The following SRD5A2 variants were observed in gnomAD, a reference collection of about 807,000 sequenced individuals.
The protein encoded by SRD5A2 is 3-oxo-5-alpha-steroid 4-dehydrogenase 2.
In SRD5A2, 30 loss-of-function variants were observed where a neutral mutation model predicts 27.4. The ratio of observed to expected loss-of-function variants is 1.10; its 90% CI spans 0.82 to 1.49. The LOEUF (loss-of-function observed/expected upper bound fraction) is 1.49. Ranked by LOEUF, SRD5A2 falls within the 40% of genes most tolerant of loss-of-function variation. The pLI is 0.00. For synonymous variants in SRD5A2, 141 were observed against 133.6 expected (o/e 1.06, Z -0.38); for missense variants, 348 against 323.4 (o/e 1.08, Z -0.58).
At chr2:31,598,807 A>G in the SRD5A2 span, among the ~76,000 whole-genome samples, 1 of 151,998 alleles carries the variant, frequency 6.6e-6, no homozygotes, top group Admixed American at 6.6e-5. Context: ...TGGCAGATGT[A>G]AGTCCTTACT....
intron 1 of SRD5A2, among the ~76,000 whole-genome samples, chr2:31,563,654 C>T (rs765922507): frequency 5.3e-5 from 8 of 152,098 alleles, no homozygotes; most frequent in South Asian, 2.1e-4. Flanking sequence ...CAGAGACACA[C>T]GGAGACCTGC....
the SRD5A2 span, among the ~76,000 whole-genome samples, chr2:31,655,243 G>A: frequency 2.6e-5 from 4 of 151,864 alleles, no homozygotes; most frequent in Non-Finnish European, 4.4e-5. Context: ...CTGAGATTAC[G>A]GGTGCCCACC....
At position 31,569,061 on chromosome 2, in the gene SRD5A2, G is replaced by C. The variant is rs1354032013; in HGVS notation, c.281+11559C>G. On this transcript the variant is annotated intron_variant, in intron 1 of 4. Transcript: ENST00000622030. ...AGGGAAGCCCGGGTCCAGAGCCATG[G>C]CTGGGTGGCTGCAGCTGCGCCAAGG... Among the ~76,000 whole-genome samples the C allele has an allele frequency of 2.6e-5, 4 of 152,192 alleles. No homozygotes were observed. The East Asian group carries it at 7.7e-4, about 29-fold the overall frequency.
At chr2:31,532,534 C>T (rs757771921) in intron 2 of SRD5A2, among the ~76,000 whole-genome samples, 1 of 152,102 alleles carries the variant, frequency 6.6e-6, no homozygotes, top group Non-Finnish European at 1.5e-5. Context: ...GTGAGGACAG[C>T]CAGGATCAGG....
chr2:31,641,325 G>A, the SRD5A2 span, among the ~76,000 whole-genome samples: 5 of 152,168 alleles, frequency 3.3e-5, no homozygotes, highest in Non-Finnish European at 7.4e-5. Flanking sequence ...AAAGCAAGTT[G>A]ATGGAGTGAC....
the SRD5A2 span, among the ~76,000 whole-genome samples, chr2:31,660,255 TC>T: frequency 6.6e-6 from 1 of 152,064 alleles, no homozygotes; most frequent in Non-Finnish European, 1.5e-5. Context: ...TGACAATATA[TC>T]CTGCAGGCAA....
chr2:31,593,219 C>A, the SRD5A2 span, among the ~76,000 whole-genome samples: 21 of 151,768 alleles, frequency 1.4e-4, no homozygotes, highest in Non-Finnish European at 2.4e-4. Flanking sequence ...ATGTAACTAA[C>A]CTGCACATTG....
the SRD5A2 span, among the ~76,000 whole-genome samples, chr2:31,607,130 A>C: frequency 1.3e-4 from 20 of 152,042 alleles, no homozygotes; most frequent in South Asian, 8.3e-4. Flanking sequence ...AAAAGTTGGA[A>C]AAAAACATAG....
At chr2:31,550,136 A>T (rs918707652) in intron 1 of SRD5A2, among the ~76,000 whole-genome samples, 2 of 152,138 alleles carry the variant, frequency 1.3e-5, no homozygotes, top group Non-Finnish European at 2.9e-5. Flanking sequence ...ATACTTTTAA[A>T]TAATTCATGG....
intron 1 of SRD5A2, among the ~76,000 whole-genome samples, chr2:31,548,483 T>C (rs1666310528): frequency 6.6e-6 from 1 of 152,122 alleles, no homozygotes; most frequent in South Asian, 2.1e-4. Flanking sequence ...GAAAAGATGC[T>C]CAACATCACT....
the SRD5A2 span, among the ~76,000 whole-genome samples, chr2:31,653,768 T>C: frequency 7.2e-5 from 11 of 152,254 alleles, no homozygotes; most frequent in South Asian, 2.3e-3. Flanking sequence ...CAAGCGATTC[T>C]CCTGCCTCAA....
At chr2:31,558,015 C>T (rs372143795) in intron 1 of SRD5A2, among the ~76,000 whole-genome samples, 2 of 152,198 alleles carry the variant, frequency 1.3e-5, no homozygotes, top group South Asian at 2.1e-4. Context: ...CCAAATCTGC[C>T]GATAATACCA....
chr2:31,616,204 A>T, the SRD5A2 span, among the ~76,000 whole-genome samples: 1 of 152,132 alleles, frequency 6.6e-6, no homozygotes, highest in African/African-American at 2.4e-5. Flanking sequence ...CAGGGGTGGG[A>T]CCCTCATGGA....
chr2:31,546,498 G>C (rs980304980), intron 1 of SRD5A2, among the ~76,000 whole-genome samples: 5 of 102,604 alleles, frequency 4.9e-5, no homozygotes, highest in Admixed American at 4.5e-4. Flanking sequence ...CAACATGGAT[G>C]CAGCTAGAGG....
chr2:31,625,940 A>G, the SRD5A2 span, among the ~76,000 whole-genome samples: 3 of 152,178 alleles, frequency 2.0e-5, no homozygotes, highest in Non-Finnish European at 4.4e-5. Context: ...GAATCTATAC[A>G]CTACCTTGGG....
At chr2:31,558,504 C>A (rs1666547541) in intron 1 of SRD5A2, among the ~76,000 whole-genome samples, 1 of 152,184 alleles carries the variant, frequency 6.6e-6, no homozygotes, top group Non-Finnish European at 1.5e-5. Context: ...CATTCCTTGG[C>A]TTGTCATTGC....
At chr2:31,656,634 G>A in the SRD5A2 span, among the ~76,000 whole-genome samples, 1 of 152,094 alleles carries the variant, frequency 6.6e-6, no homozygotes, top group Non-Finnish European at 1.5e-5. Flanking sequence ...CATCCCTCAG[G>A]AAGACACAGT....
intron 1 of SRD5A2, among the ~76,000 whole-genome samples, chr2:31,569,677 C>CAA (rs11421066): frequency 0.015 from 2,048 of 138,566 alleles, 47 homozygotes; most frequent in African/African-American, 0.049. Flanking sequence ...AAACAAAAAA[C>CAA]AAAAAAAAAA....
chr2:31,622,735 CT>C, the SRD5A2 span, among the ~76,000 whole-genome samples: 1 of 151,960 alleles, frequency 6.6e-6, no homozygotes, highest in Non-Finnish European at 1.5e-5. Context: ...TGACCATGAA[CT>C]TTTTTTGGTA....
Sources: allele counts gnomAD v4.1 joint callset (sites outside exome capture counted in the v4.1 genomes callset), GRCh38; gene constraint gnomAD v4.1.1; transcripts MANE v1.5; gene names NCBI Gene and HGNC (gene_info 2026-07-23, HGNC 2026-07-21).